Variants in BICDL2 observed in about 807,000 individuals in gnomAD.
BICDL2 encodes the protein BICD family like cargo adaptor 2.
BICDL2 carries 62 observed loss-of-function variants against 56.6 expected under a neutral mutation model. The ratio of observed to expected loss-of-function variants is 1.10; its 90% CI spans 0.89 to 1.35. BICDL2 has a LOEUF of 1.35. Ranked by LOEUF, BICDL2 falls within the 40% of genes most tolerant of loss-of-function variation. BICDL2 has a pLI of 0.00. For synonymous variants in BICDL2, 358 were observed against 319.8 expected, an observed-to-expected ratio of 1.12 and a Z score of -1.27; for missense variants, 808 against 684.5, an observed-to-expected ratio of 1.18 and a Z score of -2.01.
chr16:3,035,339 T>TGCAA lies in BICDL2; in HGVS notation c.154_157dup (p.Gln53LeufsTer25). On this transcript the variant is annotated frameshift_variant, in exon 2 of 10. Coordinates refer to ENST00000572449, the MANE Select transcript of BICDL2 (RefSeq NM_001369667.1). LOFTEE classifies it high-confidence loss of function. The stretch of plus-strand genomic sequence containing the variant: ...CAGGTCTTTCTCCTTCTGCTGCAGC[T>TGCAA]GCAAGGCTAGGTCCTCGGGCTCCTC... 1.9e-6 allele frequency: 3 copies of TGCAA among 1,596,666 alleles called. No homozygotes were observed. The highest frequency in any genetic ancestry group is 2.6e-6 in the Non-Finnish European group (3 of 1,172,204).
chr16:3,032,058 A>C (rs916898404), intron 2 of BICDL2: 1 of 152,218 alleles, frequency 6.6e-6, no homozygotes, highest in Non-Finnish European at 1.5e-5. Flanking sequence ...CAGCCTCCCA[A>C]GTAGCTAAGA....
At chr16:3,036,389 G>C (rs1418805936) in intron 1 of BICDL2, 8 of 452,340 alleles carry the variant, frequency 1.8e-5, no homozygotes, top group African/African-American at 1.6e-4. Context: ...CTGGGGTTCA[G>C]GGGCTCGGGT....
intron 5 of BICDL2, 133 bp from the exon 6 acceptor site, chr16:3,029,872 G>A: frequency 2.7e-6 from 2 of 739,386 alleles, no homozygotes; most frequent in East Asian, 6.2e-5. Context: ...TCCCGTTCCT[G>A]GATCGCTGGG....
chr16:3,032,816 G>C (rs529792196), intron 2 of BICDL2: 1 of 152,334 alleles, frequency 6.6e-6, no homozygotes, highest in South Asian at 2.1e-4. Flanking sequence ...TCTTGGAGGA[G>C]GGGAGAAAGG....
At chr16:3,031,592 C>T (rs1231890245) in intron 2 of BICDL2, 1 of 411,886 alleles carries the variant, frequency 2.4e-6, no homozygotes, top group Non-Finnish European at 4.3e-6. Context: ...TCTAATTAAC[C>T]CTGGTCAGCC....
chr16:3,035,181 A>ACACCCC, intron 2 of BICDL2, 34 bp downstream of exon 2: 1 of 34,310 alleles, frequency 2.9e-5, no homozygotes, highest in Non-Finnish European at 5.3e-5. Context: ...TCCCCTGCCC[A>ACACCCC]CCCACCCACC....
intron 4 of BICDL2, 21 bp downstream of exon 4, chr16:3,030,675 C>A: frequency 6.2e-7 from 1 of 1,603,722 alleles, no homozygotes; most frequent in South Asian, 1.1e-5. Context: ...AGATAATCCC[C>A]CAGCCCCAGC....
At chr16:3,028,307 C>T in intron 9 of BICDL2, 34 bp from the exon 10 acceptor site, 1 of 1,535,346 alleles carries the variant, frequency 6.5e-7, no homozygotes, top group Non-Finnish European at 8.7e-7. Flanking sequence ...AGCGCCGGTC[C>T]CGCCCCTTGC....
At chr16:3,031,207 G>A (rs974456330) in intron 2 of BICDL2, 57 bp from the exon 3 acceptor site, 131 of 1,447,888 alleles carry the variant, frequency 9.0e-5, no homozygotes, top group Non-Finnish European at 1.1e-4. Context: ...GACTGGGCAG[G>A]CACAGAGAGA....
rs748285436 is a variant in BICDL2, at chr16:3,029,597, C to T, written c.905G>A (p.Ser302Asn). ...CTGGCCCTGGTCGCCGTCGTCGAGGCTGTGGGCCAGTTCTGACTGCAACGA... is the reference window on the plus strand; with the variant it reads ...CTGGCCCTGGTCGCCGTCGTCGAGGTTGTGGGCCAGTTCTGACTGCAACGA... ...AASLQSELAH[S>N]LDDGDQGQGA... Residue 302 changes from serine to asparagine, a missense_variant, in exon 6 of 10, where the codon AGC (serine) becomes AAC (asparagine). Physicochemically the swap from Ser to Asn is conservative, Grantham distance 46. Coordinates refer to ENST00000572449, the MANE Select transcript of BICDL2 (RefSeq NM_001369667.1). 68 of 1,543,334 alleles carry T rather than the reference C, an allele frequency of 4.4e-5. No homozygotes were observed. Among genetic ancestry groups the T allele is most frequent in the Admixed American group, 4.1e-4 (21 of 51,042 alleles).
At chr16:3,035,686 G>C in intron 1 of BICDL2, 160 bp from the exon 2 acceptor site, 1 of 628,252 alleles carries the variant, frequency 1.6e-6, no homozygotes, top group Non-Finnish European at 2.7e-6. Context: ...ACCCAGTTCC[G>C]TTAATGTCCC....
chr16:3,035,253 G>A lies in BICDL2; in HGVS notation c.244C>T (p.Leu82=). ...AAGTGCTGGGCGCTCAGCGTCTCCA[G>A]CTGCCGCCGCAGCTCTTCATTTCGC... ...LERNEELRRQ[L]ETLSAQHLER... The change falls in exon 2 of 10, where the codon CTG becomes TTG. Residue 82 remains leucine, a synonymous_variant. Coordinates refer to ENST00000572449, the MANE Select transcript of BICDL2 (RefSeq NM_001369667.1). 1 of 1,535,764 alleles carries A rather than the reference G, an allele frequency of 6.5e-7. No homozygotes were observed. Among genetic ancestry groups the A allele is most frequent in the Non-Finnish European group, 8.8e-7 (1 of 1,139,522 alleles).
rs1370201623 is a variant in BICDL2, at chr16:3,027,907, C to T, written c.*199G>A. Reference sequence around the variant, plus strand: ...AATAGCTCTGTTCACCTGCCCCTGCCACCCACCTGGAGCTCCTGCCCCACA... The same window carrying T: ...AATAGCTCTGTTCACCTGCCCCTGCTACCCACCTGGAGCTCCTGCCCCACA... On this transcript the variant is annotated 3_prime_UTR_variant, in exon 10 of 10. Coordinates refer to ENST00000572449, the MANE Select transcript of BICDL2 (RefSeq NM_001369667.1). 7.9e-6 allele frequency: 7 copies of T among 885,696 alleles called. No individual in the cohort carries two copies. The African/African-American group carries it at 1.1e-4, about 13-fold the overall frequency. 54.9% of individuals were successfully genotyped at this position (885,696 alleles called of 1,614,324 possible).
chr16:3,036,733 C>A, intron 1 of BICDL2, 161 bp downstream of exon 1: 1 of 425,234 alleles, frequency 2.4e-6, no homozygotes, highest in Non-Finnish European at 4.7e-6. Flanking sequence ...AGCGGCTGGG[C>A]TCACCCCCGA....
rs1435073637 is a variant in BICDL2, at chr16:3,028,713, C to T, written c.1225G>A (p.Glu409Lys). The change falls in exon 8 of 10, where the codon GAG (glutamate) becomes AAG (lysine). Residue 409 changes from glutamate to lysine, a missense_variant. Coordinates refer to ENST00000572449, the MANE Select transcript of BICDL2 (RefSeq NM_001369667.1). Reference sequence around the variant, plus strand: ...CTTGAGGCTTACTTGTTCACGGCCTCGTCCCGGTCTGAGAGGGCACTGTGC... The same window carrying T: ...CTTGAGGCTTACTTGTTCACGGCCTTGTCCCGGTCTGAGAGGGCACTGTGC... ...ALHSALSDRD[E>K]AVNKALELSL... 1.3e-5 allele frequency: 21 copies of T among 1,569,240 alleles called. No homozygotes were observed. The Admixed American group carries it at 3.8e-4, about 28-fold the overall frequency.
intron 6 of BICDL2, 21 bp downstream of exon 6, chr16:3,029,524 G>C (rs752245890): frequency 1.3e-6 from 2 of 1,559,778 alleles, no homozygotes; most frequent in South Asian, 2.3e-5. Context: ...AGGTAAGGGG[G>C]CTGGGGCCCC....
rs975118349 is a variant in BICDL2 at position 3,031,038 on chromosome 16, A to C, written c.395T>G (p.Leu132Arg). The C allele has an allele frequency of 7.1e-6, 11 of 1,542,992 alleles. No individual in the cohort carries two copies. In the African/African-American group the frequency reaches 8.2e-5, roughly 12 times the overall value. ...CTGCTGCTCTGAGCGCTGCTCCCCA[A>C]GCTGGGCCCGCAGGGCCTCCACGTC... ...EGDVEALRAQ[L>R]GEQRSEQQDS... The change falls in exon 3 of 10, where the codon CTT becomes CGT. Residue 132 changes from leucine to arginine, a missense_variant. Physicochemically the swap from Leu to Arg is moderately radical, Grantham distance 102. Transcript: ENST00000572449.
At chr16:3,028,911 T>G in intron 7 of BICDL2, 81 bp from the exon 8 acceptor site, 1 of 1,462,996 alleles carries the variant, frequency 6.8e-7, no homozygotes. Context: ...ACTCTGGCTC[T>G]CCCCACCCCT....
rs758922537 is a variant in BICDL2 at position 3,035,434 on chromosome 16, G to A, written c.63C>T (p.Ser21=). 1.2e-5 allele frequency: 19 copies of A among 1,612,146 alleles called. No homozygotes were observed. Among genetic ancestry groups the A allele is most frequent in the Admixed American group, 1.7e-5 (1 of 59,996 alleles). ...CAAAGGGGAAGAAGCCCTCGTCGCC[G>A]CTGGGAGAGGCGCCCCCTGAGAGCG... ...SGPLSGGASP[S]GDEGFFPFVL... Residue 21 remains serine, a synonymous_variant, in exon 2 of 10, where the codon AGC becomes AGT. Transcript: ENST00000572449.
Sources: allele counts gnomAD v4.1 joint callset, GRCh38; gene constraint gnomAD v4.1.1; transcripts MANE v1.5; gene names NCBI Gene and HGNC (gene_info 2026-07-23, HGNC 2026-07-21).